Variants in GSE1 observed in about 807,000 individuals in gnomAD.
GSE1 encodes the protein genetic suppressor element 1.
GSE1 carries 32 observed loss-of-function variants against 112.6 expected under a neutral mutation model. That is an observed-to-expected ratio of 0.28 (90% CI 0.21 to 0.38). GSE1 has a LOEUF of 0.38. GSE1 is among the 10% of genes least tolerant of loss of function. GSE1 has a pLI of 1.00. For missense variants in GSE1, 2,348 were observed against 1,699.2 expected, an observed-to-expected ratio of 1.38 and a Z score of -6.71; for synonymous variants, 1,115 against 735.6, an observed-to-expected ratio of 1.52 and a Z score of -8.35.
intron 1 of GSE1, among the ~76,000 whole-genome samples, chr16:85,245,455 C>T (rs1905542587): frequency 6.6e-6 from 1 of 152,172 alleles, no homozygotes; most frequent in African/African-American, 2.4e-5. Flanking sequence ...CATACCCATT[C>T]ATGTGTCCTA....
chr16:85,646,790 A>G (rs2050904088), intron 2 of GSE1, among the ~76,000 whole-genome samples: 1 of 151,240 alleles, frequency 6.6e-6, no homozygotes, highest in Non-Finnish European at 1.5e-5. Flanking sequence ...CTTGACCCCC[A>G]GGCAGCAGAG....
intron 1 of GSE1, among the ~76,000 whole-genome samples, chr16:85,171,963 G>A (rs2074366113): frequency 6.6e-6 from 1 of 152,234 alleles, no homozygotes; most frequent in African/African-American, 2.4e-5. Flanking sequence ...TGAGTCACTG[G>A]GCTGGTGCTT....
chr16:85,260,114 G>A (rs1907515782), intron 1 of GSE1, among the ~76,000 whole-genome samples: 1 of 152,144 alleles, frequency 6.6e-6, no homozygotes, highest in African/African-American at 2.4e-5. Flanking sequence ...CGGGGCATGG[G>A]CAGCCCCCCC....
intron 1 of GSE1, among the ~76,000 whole-genome samples, chr16:85,210,452 C>T (rs558829609): frequency 3.3e-5 from 5 of 152,168 alleles, no homozygotes; most frequent in Admixed American, 1.3e-4. Flanking sequence ...AAAAATTAGC[C>T]GGGCATGATG....
chr16:85,331,077 A>C (rs1282795367), intron 1 of GSE1, among the ~76,000 whole-genome samples: 1 of 151,938 alleles, frequency 6.6e-6, no homozygotes, highest in African/African-American at 2.4e-5. Flanking sequence ...GCTCCTCTGG[A>C]GATGGGAATG....
intron 2 of GSE1, among the ~76,000 whole-genome samples, chr16:85,408,336 T>C (rs2048372409): frequency 8.4e-5 from 1 of 11,930 alleles, no homozygotes; most frequent in African/African-American, 9.0e-4. Flanking sequence ...CCCCGGATAA[T>C]CCTCACTGTT....
intron 1 of GSE1, among the ~76,000 whole-genome samples, chr16:85,280,389 C>CTATT (rs576647908): frequency 6.0e-4 from 91 of 152,106 alleles, no homozygotes; most frequent in South Asian, 3.3e-3. Context: ...GTCATATGGT[C>CTATT]TATTTATTTA....
chr16:85,527,759 G>A (rs1359829639), intron 2 of GSE1, among the ~76,000 whole-genome samples: 3 of 152,248 alleles, frequency 2.0e-5, no homozygotes, highest in South Asian at 2.1e-4. Context: ...TGCCCACACC[G>A]ATGGACGTGG....
At chr16:85,565,384 G>C (rs928165022) in intron 1 of GSE1, among the ~76,000 whole-genome samples, 6 of 146,212 alleles carry the variant, frequency 4.1e-5, no homozygotes, top group Non-Finnish European at 8.9e-5. Context: ...GAGCGAGTGA[G>C]ACTCTGTCTC....
intron 1 of GSE1, among the ~76,000 whole-genome samples, chr16:85,570,143 A>C (rs1398601756): frequency 6.6e-6 from 1 of 152,204 alleles, no homozygotes; most frequent in Non-Finnish European, 1.5e-5. Context: ...GTTGCCTGCC[A>C]GAGTCCTAGG....
chr16:85,548,121 C>T (rs1335096147), intron 2 of GSE1, among the ~76,000 whole-genome samples: 1 of 150,006 alleles, frequency 6.7e-6, no homozygotes, highest in Non-Finnish European at 1.5e-5. Flanking sequence ...GCCAGCTACT[C>T]TGGAGGCTGA....
chr16:85,378,349 G>A (rs1351116072), intron 2 of GSE1, among the ~76,000 whole-genome samples: 7 of 152,168 alleles, frequency 4.6e-5, no homozygotes, highest in Admixed American at 3.9e-4. Flanking sequence ...AGCCTCCTGG[G>A]GGCAGTCTCC....
At chr16:85,518,210 G>A (rs1177313818) in intron 2 of GSE1, among the ~76,000 whole-genome samples, 1 of 152,252 alleles carries the variant, frequency 6.6e-6, no homozygotes, top group Non-Finnish European at 1.5e-5. Flanking sequence ...GCCTTGGTGG[G>A]GGGCTTTGGG....
chr16:85,466,761 A>G (rs925482298), intron 2 of GSE1, among the ~76,000 whole-genome samples: 4 of 151,586 alleles, frequency 2.6e-5, no homozygotes, highest in African/African-American at 9.7e-5. Context: ...AAGAGAGAGA[A>G]AGGAAGGGAG....
rs1275193312 is a variant in GSE1 at position 85,673,292 on chromosome 16, G to A, written c.*753G>A. ...GTTTTCATACAGACGTAAATTTTGA[G>A]AGAAAAGTCAAAGGTGCTTCAGCCT... On this transcript the variant is annotated 3_prime_UTR_variant, in exon 16 of 16. Transcript: ENST00000253458. The A allele has an allele frequency of 6.6e-6, 1 of 152,218 alleles. No individual in the cohort carries two copies. The highest frequency in any genetic ancestry group is 1.5e-5 in the Non-Finnish European group (1 of 67,986). The allele number at this position is 152,218 out of a possible 1,614,324, so 9.4% of individuals were successfully genotyped here.
chr16:85,364,467 C>T (rs2047145832), intron 2 of GSE1, among the ~76,000 whole-genome samples: 1 of 152,216 alleles, frequency 6.6e-6, no homozygotes, highest in Non-Finnish European at 1.5e-5. Flanking sequence ...CCGTGCTTAG[C>T]CTGCAGCCAC....
At chr16:85,307,931 T>C (rs2045726180) in intron 1 of GSE1, among the ~76,000 whole-genome samples, 1 of 152,194 alleles carries the variant, frequency 6.6e-6, no homozygotes, top group South Asian at 2.1e-4. Context: ...TGTACACCAG[T>C]ACTTGGGAGT....
intron 2 of GSE1, among the ~76,000 whole-genome samples, chr16:85,431,772 G>GC (rs1597735076): frequency 6.6e-6 from 1 of 152,278 alleles, no homozygotes; most frequent in Admixed American, 6.5e-5. Context: ...TGCCTCCCTG[G>GC]CCCCCCAGCC....
At chr16:85,670,306 G>GC (rs1283679506) in intron 14 of GSE1, among the ~76,000 whole-genome samples, 1 of 152,186 alleles carries the variant, frequency 6.6e-6, no homozygotes, top group Non-Finnish European at 1.5e-5. Context: ...CACTGGTGGG[G>GC]CCCTTGTCTG....
Sources: gnomAD v4.1 joint callset for allele counts (sites outside exome capture counted in the v4.1 genomes callset) on GRCh38, gnomAD v4.1.1 for gene constraint, MANE v1.5 for transcripts, NCBI Gene and HGNC (gene_info 2026-07-23, HGNC 2026-07-21) for gene names.